Variants in ANKRD28 observed in about 807,000 individuals in gnomAD.
ANKRD28 encodes ankyrin repeat domain 28.
In ANKRD28, 44 loss-of-function variants were observed where a neutral mutation model predicts 126.5. That is an observed-to-expected ratio of 0.35 (90% CI 0.27 to 0.45). ANKRD28 has a LOEUF of 0.45. Among genes scored for constraint, ANKRD28 ranks in the 20% least tolerant of loss-of-function variants. ANKRD28 has a pLI of 1.00. For synonymous variants in ANKRD28, 442 were observed against 468.5 expected, an observed-to-expected ratio of 0.94 and a Z score of 0.73; for missense variants, 1,110 against 1,316.6, an observed-to-expected ratio of 0.84 and a Z score of 2.43.
At position 15,835,718 on chromosome 3, in the gene ANKRD28, C is replaced by T. The variant is rs571905373; in HGVS notation, c.27+23659G>A. On this transcript the variant is annotated intron_variant, in intron 1 of 27. Coordinates refer to the ANKRD28 transcript ENST00000399451. ...TTCGCAATCCTTAGTCAACTAATAC[C>T]ACACTTAAGATCATGAGGAATATGA... is the stretch of plus-strand genomic sequence containing the variant. Among the ~76,000 whole-genome samples the T allele has an allele frequency of 9.9e-5, 15 of 152,272 alleles. No homozygotes were observed. The South Asian group carries it at 2.9e-3, about 29-fold the overall frequency.
At chr3:15,826,146 T>C (rs540834744) in intron 1 of ANKRD28, among the ~76,000 whole-genome samples, 3 of 152,352 alleles carry the variant, frequency 2.0e-5, no homozygotes, top group African/African-American at 7.2e-5. Context: ...TCTACATCAC[T>C]ATTTGTAATA....
chr3:15,841,123 A>G (rs1323268283), intron 1 of ANKRD28, among the ~76,000 whole-genome samples: 1 of 152,334 alleles, frequency 6.6e-6, no homozygotes, highest in African/African-American at 2.4e-5. Flanking sequence ...TAGGCAACAG[A>G]GCAAGACTGT....
At chr3:15,818,040 T>C (rs2060868789) in intron 1 of ANKRD28, among the ~76,000 whole-genome samples, 1 of 152,138 alleles carries the variant, frequency 6.6e-6, no homozygotes, top group Admixed American at 6.6e-5. Context: ...AAGGTATAAA[T>C]TCAACAAAAT....
intron 1 of ANKRD28, among the ~76,000 whole-genome samples, chr3:15,804,868 A>G (rs1479453167): frequency 6.9e-6 from 1 of 145,624 alleles, no homozygotes; most frequent in Non-Finnish European, 1.5e-5. Context: ...AGCAACAAGA[A>G]ATAGAAGGAT....
intron 21 of ANKRD28, among the ~76,000 whole-genome samples, chr3:15,680,178 A>G (rs1223594160): frequency 6.6e-6 from 1 of 152,056 alleles, no homozygotes; most frequent in African/African-American, 2.4e-5. Context: ...TTAACTACAC[A>G]TATCCTTCCA....
intron 7 of ANKRD28, among the ~76,000 whole-genome samples, chr3:15,721,345 A>G (rs1419974117): frequency 6.6e-6 from 1 of 152,240 alleles, no homozygotes; most frequent in Non-Finnish European, 1.5e-5. Context: ...TTCAGGGAAT[A>G]TAATTCACAT....
In ANKRD28 at chr3:15,721,974, A is replaced by G. The variant is rs1039585204; in HGVS notation, c.784-847T>C. Among the ~76,000 whole-genome samples, 13 of 152,202 alleles carry G rather than the reference A, an allele frequency of 8.5e-5. 1 individual carries two copies. The East Asian group carries it at 2.5e-3, about 29-fold the overall frequency. On this transcript the variant is annotated intron_variant, in intron 7 of 27. Transcript: ENST00000683139. ...TGGCCAGGCTGGTCCTGAACTCTTGACCTCAAATGATCCACCGGCCTCGGC... is the reference window on the plus strand; with the variant it reads ...TGGCCAGGCTGGTCCTGAACTCTTGGCCTCAAATGATCCACCGGCCTCGGC...
Position 15,670,423 on chromosome 3 carries a change from A to G in ANKRD28, c.3099T>C (p.Tyr1033=), listed in dbSNP as rs1162878148. 6 of 1,613,852 alleles carry G rather than the reference A, an allele frequency of 3.7e-6. No homozygotes were observed. Among genetic ancestry groups the G allele is most frequent in the Admixed American group, 1.7e-5 (1 of 59,998 alleles). The change falls in exon 28 of 28, where the codon TAT becomes TAC. Residue 1033 remains tyrosine (Y), a synonymous_variant. Transcript: ENST00000683139. ...AGCTGACTGTTTTTGAGGTGTTGGT[A>G]TAACGGTTAATGGCATTGAATGTTA... ...SSLTFNAINR[Y]TNTSKTVSFE... is the part of the protein sequence containing the mutation.
intron 1 of ANKRD28, among the ~76,000 whole-genome samples, chr3:15,849,229 T>C (rs924995928): frequency 1.3e-5 from 2 of 152,224 alleles, no homozygotes; most frequent in Non-Finnish European, 1.5e-5. Flanking sequence ...ATTTCCCAAA[T>C]TGATCTATTG....
rs1479490811 is a variant in ANKRD28 at position 15,817,732 on chromosome 3, T to C, written c.28-22426A>G. Among the ~76,000 whole-genome samples the C allele has an allele frequency of 6.6e-6, 1 of 152,210 alleles. No individual in the cohort carries two copies. The highest frequency in any genetic ancestry group is 2.4e-5 in the African/African-American group (1 of 41,466). ...TCCTAAGATGAGATACAAGCAAGAATGCCTGCTCTTAATCACTCTTACTTA... is the reference window on the plus strand; with the variant it reads ...TCCTAAGATGAGATACAAGCAAGAACGCCTGCTCTTAATCACTCTTACTTA... On this transcript the variant is annotated intron_variant, in intron 1 of 27. Transcript: ENST00000399451. This position sits in a 1 kb window ranked among gnomAD's most constrained non-coding sequence, Gnocchi z 4.5.
chr3:15,807,565 T>C (rs1454190912), intron 1 of ANKRD28, among the ~76,000 whole-genome samples: 1 of 152,238 alleles, frequency 6.6e-6, no homozygotes, highest in Non-Finnish European at 1.5e-5. Flanking sequence ...AAATGTTTCC[T>C]ATTAATCTCA....
At chr3:15,810,699 TC>T (rs1332506575) in intron 1 of ANKRD28, among the ~76,000 whole-genome samples, 2 of 139,806 alleles carry the variant, frequency 1.4e-5, no homozygotes, top group African/African-American at 5.9e-5. Context: ...ATTTGTTCTC[TC>T]CTTTTTTTTT....
At chr3:15,725,183 T>C (rs2074061473) in intron 6 of ANKRD28, among the ~76,000 whole-genome samples, 1 of 152,208 alleles carries the variant, frequency 6.6e-6, no homozygotes, top group African/African-American at 2.4e-5. Context: ...ATTTACATTG[T>C]ATTAGGTATT....
intron 1 of ANKRD28, among the ~76,000 whole-genome samples, chr3:15,852,832 C>CAAAAAAAAAA (rs71064237): frequency 1.6e-5 from 1 of 64,010 alleles, no homozygotes; most frequent in Non-Finnish European, 2.8e-5. Context: ...GACTCTGTCT[C>CAAAAAAAAAA]AAAAAAAAAA....
At chr3:15,670,617 G>A in intron 27 of ANKRD28, 61 bp from the exon 28 acceptor site, 1 of 1,506,508 alleles carries the variant, frequency 6.6e-7, no homozygotes, top group African/African-American at 1.4e-5. Context: ...CCAAAGACAA[G>A]GAAATAAGCC....
At chr3:15,689,923 T>A in intron 18 of ANKRD28, 96 bp downstream of exon 18, 1 of 1,208,250 alleles carries the variant, frequency 8.3e-7, no homozygotes, top group Non-Finnish European at 1.1e-6. Flanking sequence ...AAGGTCAAAA[T>A]TTTAAAGACA....
chr3:15,819,101 G>A (rs956033162), intron 1 of ANKRD28, among the ~76,000 whole-genome samples: 16 of 151,966 alleles, frequency 1.1e-4, no homozygotes, highest in African/African-American at 3.9e-4. Context: ...AACATGGCAA[G>A]ACCCTGTCTC....
At chr3:15,673,256 A>G (rs1355005862) in intron 27 of ANKRD28, among the ~76,000 whole-genome samples, 1 of 152,170 alleles carries the variant, frequency 6.6e-6, no homozygotes, top group Admixed American at 6.5e-5. Flanking sequence ...TTCCAATTAA[A>G]CTATTTTAAG....
chr3:15,788,536 A>G (rs1203776661), intron 2 of ANKRD28, among the ~76,000 whole-genome samples: 2 of 152,148 alleles, frequency 1.3e-5, no homozygotes, highest in African/African-American at 4.8e-5. Flanking sequence ...GTAATACAAA[A>G]TGGCTTATGC....
Sources: allele counts gnomAD v4.1 joint callset (sites outside exome capture counted in the v4.1 genomes callset), GRCh38; gene constraint gnomAD v4.1.1; non-coding constraint Gnocchi (gnomAD v3.1); transcripts MANE v1.5; gene names NCBI Gene and HGNC (gene_info 2026-07-23, HGNC 2026-07-21).